Variants in CDC73 observed in about 807,000 individuals in gnomAD.
CDC73 encodes the protein cell division cycle 73.
In CDC73, 21 loss-of-function variants were observed where a neutral mutation model predicts 83.7. The ratio of observed to expected loss-of-function variants is 0.25; its 90% CI spans 0.18 to 0.36. The LOEUF (loss-of-function observed/expected upper bound fraction) is 0.36, where lower values mean the gene tolerates loss of function less well. Among genes scored for constraint, CDC73 ranks in the 10% least tolerant of loss-of-function variants. CDC73 has a pLI of 1.00. For synonymous variants in CDC73, 224 were observed against 212.9 expected (o/e 1.05, Z -0.45); for missense variants, 342 against 653.3 (o/e 0.52, Z 5.19).
At chr1:193,180,177 G>T in intron 10 of CDC73, 1 of 854,958 alleles carries the variant, frequency 1.2e-6, no homozygotes, top group Non-Finnish European at 1.7e-6. Context: ...AATACTTCTT[G>T]AATTTCTTTA....
intron 10 of CDC73, chr1:193,179,566 T>C (rs1198131651): frequency 1.1e-4 from 17 of 152,576 alleles, no homozygotes; most frequent in Admixed American, 1.1e-3. Context: ...GAAACAAAAC[T>C]TGTCTATTTT....
chr1:193,214,337 A>G (rs981980286), intron 13 of CDC73, among the ~76,000 whole-genome samples: 1 of 152,194 alleles, frequency 6.6e-6, no homozygotes, highest in African/African-American at 2.4e-5. Flanking sequence ...AACCCATTTT[A>G]GTAGGAACTT....
At chr1:193,217,491 C>A (rs1677390590) in intron 13 of CDC73, among the ~76,000 whole-genome samples, 1 of 152,032 alleles carries the variant, frequency 6.6e-6, no homozygotes, top group Non-Finnish European at 1.5e-5. Flanking sequence ...TGTGGCCAGA[C>A]CCTGCGTCAT....
At chr1:193,181,181 T>C in intron 10 of CDC73, 1 of 1,613,900 alleles carries the variant, frequency 6.2e-7, no homozygotes, top group Non-Finnish European at 8.5e-7. Flanking sequence ...GGATGTCCAG[T>C]ACCTTTTTCA....
chr1:193,194,277 T>C (rs917718003), intron 10 of CDC73, among the ~76,000 whole-genome samples: 2 of 152,166 alleles, frequency 1.3e-5, no homozygotes, highest in South Asian at 4.1e-4. Context: ...TTTGAGGTCA[T>C]CTAAAAATTT....
At chr1:193,232,949 C>T in intron 13 of CDC73, 44 bp from the exon 14 acceptor site, 1 of 1,511,644 alleles carries the variant, frequency 6.6e-7, no homozygotes, top group Non-Finnish European at 9.2e-7. Context: ...CCATTTTCAT[C>T]ACGTGGAATA....
At chr1:193,129,961 G>A (rs1675665833) in intron 2 of CDC73, among the ~76,000 whole-genome samples, 1 of 151,754 alleles carries the variant, frequency 6.6e-6, no homozygotes, top group South Asian at 2.1e-4. Context: ...TTAATATCAA[G>A]TTGTAAGAAA....
intron 3 of CDC73, among the ~76,000 whole-genome samples, chr1:193,134,496 C>T (rs34562959): frequency 0.021 from 3,125 of 152,086 alleles, 45 homozygotes; most frequent in Middle Eastern, 0.041. Flanking sequence ...TGGTGAAACC[C>T]CGTCTCTACT....
At chr1:193,145,264 T>A (rs761623510) in intron 7 of CDC73, among the ~76,000 whole-genome samples, 5 of 152,076 alleles carry the variant, frequency 3.3e-5, no homozygotes, top group Non-Finnish European at 7.4e-5. Flanking sequence ...CATTAACCTT[T>A]AAGAACCATT....
chr1:193,204,444 C>T (rs948534374), intron 11 of CDC73, among the ~76,000 whole-genome samples: 6 of 151,606 alleles, frequency 4.0e-5, no homozygotes, highest in Admixed American at 6.6e-5. Context: ...CGCCTGCCAC[C>T]ACGCCCGGCT....
rs533654536 is a variant in CDC73 at position 193,163,242 on chromosome 1, A to T, written c.972+10798A>T. ...GTTAACAGGCTGGGCGCAGTGGCTC[A>T]TGCCTGTAATCCCTGCACTTTGGGA... On this transcript the variant is annotated intron_variant, in intron 10 of 16. Coordinates refer to ENST00000367435, the MANE Select transcript of CDC73 (RefSeq NM_024529.5). Among the ~76,000 whole-genome samples, 4 of 151,446 alleles carry T rather than the reference A, an allele frequency of 2.6e-5. No homozygotes were observed. In the South Asian group the frequency reaches 8.3e-4, roughly 32 times the overall value.
intron 13 of CDC73, among the ~76,000 whole-genome samples, chr1:193,217,836 C>G (rs572773470): frequency 2.6e-4 from 40 of 152,234 alleles, no homozygotes; most frequent in Middle Eastern, 6.8e-3. Context: ...TGCCTTCCCC[C>G]ATTCCATATC....
intron 10 of CDC73, among the ~76,000 whole-genome samples, chr1:193,155,904 T>C (rs1676199683): frequency 6.6e-6 from 1 of 152,160 alleles, no homozygotes; most frequent in African/African-American, 2.4e-5. Context: ...ACCCCCTGAG[T>C]TTGCCCCTAC....
intron 10 of CDC73, among the ~76,000 whole-genome samples, chr1:193,195,874 T>C (rs916741119): frequency 1.3e-5 from 2 of 152,220 alleles, no homozygotes; most frequent in African/African-American, 4.8e-5. Flanking sequence ...GTTGTTGAGT[T>C]GCAGGAGTTC....
At chr1:193,125,894 T>TA (rs1443255225) in intron 2 of CDC73, among the ~76,000 whole-genome samples, 2 of 152,120 alleles carry the variant, frequency 1.3e-5, no homozygotes, top group African/African-American at 4.8e-5. Context: ...CTGTGTGACT[T>TA]ACACAGACTT....
intron 10 of CDC73, among the ~76,000 whole-genome samples, chr1:193,156,918 A>G (rs1385948678): frequency 6.6e-6 from 1 of 152,180 alleles, no homozygotes; most frequent in African/African-American, 2.4e-5. Context: ...AGACGTGTTC[A>G]TACGGACTTT....
At chr1:193,125,524 A>G (rs1037842659) in intron 2 of CDC73, among the ~76,000 whole-genome samples, 2 of 151,770 alleles carry the variant, frequency 1.3e-5, no homozygotes, top group African/African-American at 2.4e-5. Flanking sequence ...GGCCTCCCGA[A>G]GTGCTGGGAT....
At chr1:193,190,177 A>G (rs756279795) in intron 10 of CDC73, among the ~76,000 whole-genome samples, 11 of 152,242 alleles carry the variant, frequency 7.2e-5, no homozygotes, top group Non-Finnish European at 1.6e-4. Flanking sequence ...GTTTTAGATC[A>G]GGTATAATTT....
At chr1:193,167,001 A>G (rs1051327829) in intron 10 of CDC73, among the ~76,000 whole-genome samples, 2 of 152,204 alleles carry the variant, frequency 1.3e-5, no homozygotes, top group African/African-American at 4.8e-5. Flanking sequence ...CTCTATGACC[A>G]AAATTGATTG....
Sources: allele counts gnomAD v4.1 joint callset (sites outside exome capture counted in the v4.1 genomes callset), GRCh38; gene constraint gnomAD v4.1.1; transcripts MANE v1.5; gene names NCBI Gene and HGNC (gene_info 2026-07-23, HGNC 2026-07-21).